Variants in GLIS3 observed in about 807,000 individuals in gnomAD.
GLIS3 encodes GLIS family zinc finger 3, also known as zinc finger protein GLIS3.
In GLIS3, 53 loss-of-function variants were observed where a neutral mutation model predicts 78.6. That is an observed-to-expected ratio of 0.67 (90% CI 0.54 to 0.85). The LOEUF is 0.85. Among genes scored for constraint, GLIS3 ranks in the 40% least tolerant of loss-of-function variants. The probability of loss-of-function intolerance (pLI) is 0.00; values close to 1 mark genes in which losing one functional copy is unlikely to be tolerated. For synonymous variants in GLIS3, 684 were observed against 509.9 expected (o/e 1.34, Z -4.60); for missense variants, 1,703 against 1,231.1 (o/e 1.38, Z -5.74).
intron 2 of GLIS3, among the ~76,000 whole-genome samples, chr9:4,217,444 T>C (rs960937332): frequency 6.6e-6 from 1 of 152,176 alleles, no homozygotes; most frequent in Non-Finnish European, 1.5e-5. Context: ...GGGGACATCA[T>C]GGGCAGACAT....
intron 4 of GLIS3, among the ~76,000 whole-genome samples, chr9:4,038,064 G>T (rs954174489): frequency 2.0e-5 from 3 of 152,254 alleles, no homozygotes; most frequent in Non-Finnish European, 1.5e-5. Flanking sequence ...TTTAATGAGG[G>T]AGAAGAACAT....
At chr9:4,438,014 T>C in the GLIS3 span, among the ~76,000 whole-genome samples, 2 of 152,182 alleles carry the variant, frequency 1.3e-5, no homozygotes, top group Non-Finnish European at 2.9e-5. Context: ...AAGTTATATG[T>C]GGATTTTTGA....
intron 4 of GLIS3, among the ~76,000 whole-genome samples, chr9:4,031,129 C>A (rs1167004133): frequency 6.6e-6 from 1 of 152,134 alleles, no homozygotes; most frequent in Non-Finnish European, 1.5e-5. Context: ...TATGACCCGA[C>A]AATTCTACTC....
At chr9:4,004,396 C>A (rs1007412278) in intron 4 of GLIS3, among the ~76,000 whole-genome samples, 1 of 151,998 alleles carries the variant, frequency 6.6e-6, no homozygotes, top group African/African-American at 2.4e-5. Flanking sequence ...CACCTAAATC[C>A]CTCTACAAAT....
chr9:3,962,050 A>G (rs1817591947), intron 4 of GLIS3, among the ~76,000 whole-genome samples: 1 of 152,018 alleles, frequency 6.6e-6, no homozygotes, highest in African/African-American at 2.4e-5. Flanking sequence ...ACAAAAAATA[A>G]TAATAATAAA....
At chr9:4,416,078 A>T in the GLIS3 span, among the ~76,000 whole-genome samples, 1 of 151,128 alleles carries the variant, frequency 6.6e-6, no homozygotes, top group Non-Finnish European at 1.5e-5. Context: ...GGATCTAATG[A>T]CTGCACTAAC....
At chr9:3,965,194 T>G (rs1360995762) in intron 4 of GLIS3, among the ~76,000 whole-genome samples, 3 of 84,298 alleles carry the variant, frequency 3.6e-5, no homozygotes, top group Non-Finnish European at 8.6e-5. Flanking sequence ...TTTTCTTTTC[T>G]TTTTTTTTTT....
At chr9:4,156,814 G>C (rs1564128953) in intron 2 of GLIS3, among the ~76,000 whole-genome samples, 1 of 152,026 alleles carries the variant, frequency 6.6e-6, no homozygotes, top group South Asian at 2.1e-4. Flanking sequence ...TATATGATAA[G>C]AGTGTCTCTG....
intron 8 of GLIS3, among the ~76,000 whole-genome samples, chr9:3,872,087 C>T (rs149055898): frequency 1.2e-4 from 19 of 152,304 alleles, no homozygotes; most frequent in Non-Finnish European, 2.2e-4. Flanking sequence ...GGCAAAATGC[C>T]ACCACTACCT....
chr9:4,199,756 C>T (rs1041911148), intron 2 of GLIS3, among the ~76,000 whole-genome samples: 2 of 151,932 alleles, frequency 1.3e-5, no homozygotes, highest in Admixed American at 1.3e-4. Context: ...ATCATTGAGG[C>T]AAAAAACAAA....
rs573771085 is a variant in GLIS3 at position 3,853,166 on chromosome 9, C to G, written c.2473+2843G>C. 1.1e-4 allele frequency among the ~76,000 whole-genome samples: 16 copies of G among 152,282 alleles called. 1 individual carries two copies. The South Asian group carries it at 3.3e-3, about 32-fold the overall frequency. Reference sequence around the variant, plus strand: ...GCTGCAGTGAGCTATGACTGTGCCACTGCACTCTAGCCTTGAGGACAGAGC... The same window carrying G: ...GCTGCAGTGAGCTATGACTGTGCCAGTGCACTCTAGCCTTGAGGACAGAGC... On this transcript the variant is annotated intron_variant, in intron 9 of 10. Coordinates refer to ENST00000381971, the MANE Select transcript of GLIS3 (RefSeq NM_001042413.2).
chr9:4,432,517 G>A, the GLIS3 span, among the ~76,000 whole-genome samples: 29 of 152,054 alleles, frequency 1.9e-4, no homozygotes, highest in African/African-American at 5.8e-4. Context: ...TTTAAAGTTC[G>A]GATGTTCAGC....
chr9:4,096,063 T>A (rs1829920062), intron 4 of GLIS3, among the ~76,000 whole-genome samples: 1 of 140,706 alleles, frequency 7.1e-6, no homozygotes, highest in Non-Finnish European at 1.5e-5. Context: ...TAGAAACACA[T>A]CTAAATACAA....
chr9:4,296,136 AGTTATCTCCTTCAAG>A (rs1816484037), intron 1 of GLIS3, among the ~76,000 whole-genome samples: 1 of 152,200 alleles, frequency 6.6e-6, no homozygotes, highest in African/African-American at 2.4e-5. Flanking sequence ...CGCCACTCTG[AGTTATCTCCTTCAAG>A]AAGTATGTAT....
intron 1 of GLIS3, among the ~76,000 whole-genome samples, chr9:4,297,503 A>G (rs781635447): frequency 6.6e-6 from 1 of 152,114 alleles, no homozygotes; most frequent in Non-Finnish European, 1.5e-5. Context: ...CTCTTCTCAC[A>G]AACTCCAGGG....
At chr9:4,402,499 C>G in the GLIS3 span, among the ~76,000 whole-genome samples, 1,195 of 152,186 alleles carry the variant, frequency 7.9e-3, 6 homozygotes, top group Middle Eastern at 0.068. Flanking sequence ...GGGAACAATC[C>G]TGGAGAAATG....
At chr9:4,040,084 G>T (rs902134569) in intron 4 of GLIS3, among the ~76,000 whole-genome samples, 2 of 152,098 alleles carry the variant, frequency 1.3e-5, no homozygotes, top group African/African-American at 4.8e-5. Flanking sequence ...CTGCCCATCT[G>T]CAGGAAAGCC....
intron 4 of GLIS3, among the ~76,000 whole-genome samples, chr9:3,971,422 C>T (rs1413843714): frequency 1.3e-5 from 2 of 152,104 alleles, no homozygotes; most frequent in African/African-American, 4.8e-5. Flanking sequence ...TGCAGTCATC[C>T]CTTATACCTA....
chr9:3,848,465 G>T (rs1819202696), intron 9 of GLIS3, among the ~76,000 whole-genome samples: 1 of 152,168 alleles, frequency 6.6e-6, no homozygotes, highest in Admixed American at 6.5e-5. Context: ...TCGCCCCACT[G>T]CACTCCAGCC....
Sources: allele counts gnomAD v4.1 joint callset (sites outside exome capture counted in the v4.1 genomes callset), GRCh38; gene constraint gnomAD v4.1.1; transcripts MANE v1.5; gene names NCBI Gene and HGNC (gene_info 2026-07-23, HGNC 2026-07-21).